The following PDILT variants were observed in gnomAD, a reference collection of about 807,000 sequenced individuals.
PDILT encodes the protein protein disulfide-isomerase-like protein of the testis.
A neutral mutation model predicts 53.7 loss-of-function variants in PDILT; 43 were observed. The ratio of observed to expected loss-of-function variants is 0.80; its 90% CI spans 0.63 to 1.03. The LOEUF is 1.03. Ranked by LOEUF, PDILT falls within the 50% of genes least tolerant of loss-of-function variation. PDILT has a pLI of 0.00. For synonymous variants in PDILT, 282 were observed against 274.2 expected (o/e 1.03, Z -0.28); for missense variants, 727 against 712.3 (o/e 1.02, Z -0.24).
chr16:20,401,633 C>T lies in PDILT; in HGVS notation c.-7-2326G>A, dbSNP rs148267421. 5.7e-4 allele frequency among the ~76,000 whole-genome samples: 87 copies of T among 152,278 alleles called. No individual in the cohort carries two copies. The South Asian group carries it at 9.6e-3, about 17-fold the overall frequency. On this transcript the variant is annotated intron_variant, in intron 1 of 11. Coordinates refer to ENST00000302451, the MANE Select transcript of PDILT (RefSeq NM_174924.2). ...AACCTTGAAATTCAAGATTGTGAGACCATCTCTGAGGGGTGTGGATGGCAC... is the reference window on the plus strand; with the variant it reads ...AACCTTGAAATTCAAGATTGTGAGATCATCTCTGAGGGGTGTGGATGGCAC...
At chr16:20,391,293 C>A in intron 2 of PDILT, 1 of 163,714 alleles carries the variant, frequency 6.1e-6, no homozygotes, top group Non-Finnish European at 1.4e-5. Flanking sequence ...TTAGCACCAT[C>A]ATCGCCATTG....
At chr16:20,363,958 G>A (rs1174241646) in intron 9 of PDILT, among the ~76,000 whole-genome samples, 1 of 152,144 alleles carries the variant, frequency 6.6e-6, no homozygotes, top group Non-Finnish European at 1.5e-5. Flanking sequence ...TTCTGGCTCT[G>A]TAAGCGAAAT....
In PDILT at chr16:20,374,874, T is replaced by C. The variant is rs759250144; in HGVS notation, c.629A>G (p.Asn210Ser). The C allele has an allele frequency of 4.0e-5, 65 of 1,614,040 alleles. 1 individual carries two copies. The highest frequency in any genetic ancestry group is 5.3e-5 in the Non-Finnish European group (63 of 1,179,996). Reference sequence around the variant, plus strand: ...GGTGACGTGGAAACGCCCAATGACATTGCCAATCGTTATGACTCCAAACGT... The same window carrying C: ...GGTGACGTGGAAACGCCCAATGACACTGCCAATCGTTATGACTCCAAACGT... ...ELTFGVITIG[N>S]VIGRFHVTLD... Residue 210 changes from asparagine to serine, a missense_variant, in exon 5 of 12, where the codon AAT becomes AGT. Physicochemically the swap from Asn to Ser is conservative, Grantham distance 46. Transcript: ENST00000302451.
chr16:20,378,249 A>G (rs1266319032), intron 3 of PDILT, among the ~76,000 whole-genome samples: 1 of 152,216 alleles, frequency 6.6e-6, no homozygotes, highest in Non-Finnish European at 1.5e-5. Context: ...ATGGATTTTT[A>G]CAAAACGAAC....
Position 20,376,057 on chromosome 16 carries a change from G to A in PDILT, c.543+11C>T. ...AGTTGAAAGCCTCCTCCCACCTCTT[G>A]GTCCCAGTACCTGGAAGAAGCCAAC... On this transcript the variant is annotated intron_variant, in intron 4 of 11. Coordinates refer to ENST00000302451, the MANE Select transcript of PDILT (RefSeq NM_174924.2). 6.2e-7 allele frequency: 1 copy of A among 1,613,854 alleles called. No homozygotes were observed. The highest frequency in any genetic ancestry group is 1.1e-5 in the South Asian group (1 of 91,040).
intron 8 of PDILT, among the ~76,000 whole-genome samples, chr16:20,368,101 A>G (rs984290645): frequency 3.9e-5 from 6 of 152,120 alleles, no homozygotes; most frequent in African/African-American, 1.4e-4. Context: ...TGTGTCCTGG[A>G]GGGAAAAATC....
chr16:20,389,422 G>T (rs1966580719), intron 2 of PDILT, among the ~76,000 whole-genome samples: 1 of 152,162 alleles, frequency 6.6e-6, no homozygotes, highest in African/African-American at 2.4e-5. Context: ...TAGCTATTTT[G>T]ATGACATAGG....
At position 20,384,863 on chromosome 16, in the gene PDILT, T is replaced by A. The variant is rs951797294; in HGVS notation, c.203-12A>T. ...TGAGGATGGGTTGTCTGAAAGAGTA[T>A]GAAGACAAAATTTGAGAGGCCTTTC... On this transcript the variant is annotated splice_polypyrimidine_tract_variant and intron_variant, in intron 2 of 11. Transcript: ENST00000302451. 3 of 1,613,648 alleles carry A rather than the reference T, an allele frequency of 1.9e-6. No individual in the cohort carries two copies. The highest frequency in any genetic ancestry group is 2.5e-6 in the Non-Finnish European group (3 of 1,179,522).
rs1966268015 is a variant in PDILT at position 20,369,475 on chromosome 16, TC to T, written c.1116+16del. On this transcript the variant is annotated intron_variant, in intron 8 of 11. Transcript: ENST00000302451. ...ATTTTGAGGTTCTGGATAAACCTTG[TC>T]CAAGAAAAAACCTACTGTGGCATTT... The T allele has an allele frequency of 2.5e-6, 4 of 1,608,842 alleles. No individual in the cohort carries two copies. In the East Asian group the frequency reaches 8.9e-5, roughly 36 times the overall value.
At position 20,403,451 on chromosome 16, in the gene PDILT, G is replaced by A. The variant is rs369529143; in HGVS notation, c.-8+1045C>T. Among the ~76,000 whole-genome samples the A allele has an allele frequency of 7.4e-3, 1,122 of 152,032 alleles. 10 individuals carry two copies. The highest frequency in any genetic ancestry group is 0.024 in the African/African-American group (986 of 41,458). ...ACTACAGGCACCCGCCACCATGCCC[G>A]GCTAATTTTTGTATTTTTAGTAGAA... On this transcript the variant is annotated intron_variant, in intron 1 of 11. Coordinates refer to ENST00000302451, the MANE Select transcript of PDILT (RefSeq NM_174924.2).
At chr16:20,370,198 G>A (rs1966283967) in intron 7 of PDILT, among the ~76,000 whole-genome samples, 1 of 152,126 alleles carries the variant, frequency 6.6e-6, no homozygotes, top group Admixed American at 6.6e-5. Context: ...TACTATGTGT[G>A]AGCCATTTTA....
At chr16:20,360,516 T>G in intron 11 of PDILT, 52 bp downstream of exon 11, 1 of 1,459,484 alleles carries the variant, frequency 6.9e-7, no homozygotes, top group Non-Finnish European at 9.6e-7. Context: ...ATTAAGTTCC[T>G]AGGGATTCTG....
At chr16:20,368,346 A>C (rs1343129521) in intron 8 of PDILT, among the ~76,000 whole-genome samples, 1 of 152,162 alleles carries the variant, frequency 6.6e-6, no homozygotes, top group Non-Finnish European at 1.5e-5. Flanking sequence ...AGGGTCAAAA[A>C]GCATGGGATC....
intron 5 of PDILT, among the ~76,000 whole-genome samples, chr16:20,374,477 A>G (rs1192678463): frequency 6.6e-6 from 1 of 152,170 alleles, no homozygotes; most frequent in Admixed American, 6.5e-5. Context: ...AAAGGTCTGC[A>G]GATTAGAGAA....
intron 2 of PDILT, chr16:20,391,277 T>C (rs1002737020): frequency 1.8e-5 from 3 of 162,844 alleles, no homozygotes; most frequent in African/African-American, 7.2e-5. Context: ...TTAATCATCA[T>C]CATCATTAGC....
At chr16:20,362,640 C>T (rs1966123240) in intron 9 of PDILT, 58 bp from the exon 10 acceptor site, 1 of 1,556,260 alleles carries the variant, frequency 6.4e-7, no homozygotes, top group Non-Finnish European at 8.8e-7. Flanking sequence ...AAAGCTGGCG[C>T]CACCCTACAC....
chr16:20,365,870 C>A (rs1966184519), intron 8 of PDILT, among the ~76,000 whole-genome samples: 1 of 152,000 alleles, frequency 6.6e-6, no homozygotes, highest in Non-Finnish European at 1.5e-5. Context: ...ATCATGAAGT[C>A]AGGAGTTTGA....
chr16:20,372,091 T>C (rs1172283856), intron 7 of PDILT, among the ~76,000 whole-genome samples: 1 of 152,206 alleles, frequency 6.6e-6, no homozygotes, highest in Non-Finnish European at 1.5e-5. Context: ...CTAGCTTCCA[T>C]AGTTCAGGTA....
At chr16:20,387,277 A>G (rs1966551980) in intron 2 of PDILT, among the ~76,000 whole-genome samples, 1 of 152,216 alleles carries the variant, frequency 6.6e-6, no homozygotes, top group Non-Finnish European at 1.5e-5. Flanking sequence ...GGAGGTTGGG[A>G]GTATTAGGGA....
Sources: allele counts gnomAD v4.1 joint callset (sites outside exome capture counted in the v4.1 genomes callset), GRCh38; gene constraint gnomAD v4.1.1; transcripts MANE v1.5; gene names NCBI Gene and HGNC (gene_info 2026-07-23, HGNC 2026-07-21).